MYLK4: variants seen among roughly 807,000 people sequenced by gnomAD.
MYLK4 encodes caMLCK like.
Under a neutral mutation model 48.1 loss-of-function variants are expected in MYLK4, and 46 were observed. The ratio of observed to expected loss-of-function variants is 0.96; its 90% confidence interval spans 0.75 to 1.22. The LOEUF (loss-of-function observed/expected upper bound fraction) is 1.22. Ranked by LOEUF, MYLK4 falls within the 50% of genes most tolerant of loss-of-function variation. The pLI, the probability that MYLK4 is intolerant of heterozygous loss-of-function variation, is 0.00. For synonymous variants in MYLK4, 170 were observed against 180.8 expected (o/e 0.94, Z 0.48); for missense variants, 451 against 486.1 (o/e 0.93, Z 0.68).
intron 2 of MYLK4, among the ~76,000 whole-genome samples, chr6:2,713,388 GAAAAA>G (rs10718980): frequency 6.7e-6 from 1 of 149,342 alleles, no homozygotes; most frequent in Non-Finnish European, 1.5e-5. Context: ...AAAAAAAAAA[GAAAAA>G]AAGAAAAGAA....
the MYLK4 span, among the ~76,000 whole-genome samples, chr6:2,767,283 A>G: frequency 6.6e-6 from 1 of 152,252 alleles, no homozygotes; most frequent in Admixed American, 6.5e-5. Flanking sequence ...GCTTAAATAC[A>G]GGATGCTTTT....
At chr6:2,686,341 G>A (rs1761548825) in intron 4 of MYLK4, among the ~76,000 whole-genome samples, 1 of 152,180 alleles carries the variant, frequency 6.6e-6, no homozygotes, top group Non-Finnish European at 1.5e-5. Flanking sequence ...ATTATTTTTG[G>A]AAACTGCATA....
chr6:2,685,368 A>G lies in MYLK4; in HGVS notation c.473T>C (p.Leu158Pro). 6.2e-7 allele frequency: 1 copy of G among 1,610,224 alleles called. No homozygotes were observed. Among genetic ancestry groups the G allele is most frequent in the Non-Finnish European group, 8.5e-7 (1 of 1,177,830 alleles). Residue 158 changes from leucine (L) to proline (P), a missense_variant, in exon 6 of 13, where the codon CTG (leucine) becomes CCG (proline). Coordinates refer to ENST00000274643, the MANE Select transcript of MYLK4 (RefSeq NM_001012418.5). The surrounding 1 kb of genome is among the most constrained non-coding windows in gnomAD (Gnocchi z 4.5). ...VKNEISVMNQ[L>P]DHANLIQLYD... is the part of the protein sequence containing the mutation. ...CAGCTGGATGAGGTTCGCGTGGTCC[A>G]GCTGGTTCATGACGCTGATCTCGTT...
chr6:2,670,684 A>C (rs986629492), intron 12 of MYLK4, among the ~76,000 whole-genome samples: 2 of 152,142 alleles, frequency 1.3e-5, no homozygotes, highest in African/African-American at 2.4e-5. Flanking sequence ...AGCTAGGTGG[A>C]GGTCCGCATG....
At chr6:2,765,961 G>A in the MYLK4 span, 2 of 1,426,080 alleles carry the variant, frequency 1.4e-6, no homozygotes, top group African/African-American at 1.5e-5. Context: ...GCTACGACGC[G>A]CCGCCCACAC....
Position 2,692,947 on chromosome 6 carries a change from C to G in MYLK4, c.160-88G>C, listed in dbSNP as rs1761870365. On this transcript the variant is annotated intron_variant, in intron 2 of 12. Coordinates refer to ENST00000274643, the MANE Select transcript of MYLK4 (RefSeq NM_001012418.5). ...CTCCTGACACTTGCGCTGGATGATTCCGTGTGGTGGGGAATGTCACGAGCA... is the reference window on the plus strand; with the variant it reads ...CTCCTGACACTTGCGCTGGATGATTGCGTGTGGTGGGGAATGTCACGAGCA... The G allele has an allele frequency of 5.7e-6, 7 of 1,220,286 alleles. No homozygotes were observed. The East Asian group carries it at 1.8e-4, about 31-fold the overall frequency. The allele number at this position is 1,220,286 out of a possible 1,614,324, so 75.6% of individuals were successfully genotyped here. A position where few individuals can be genotyped will look rare whatever the true frequency, so the allele number is the denominator to read the frequency against.
intron 2 of MYLK4, among the ~76,000 whole-genome samples, chr6:2,739,262 A>C (rs1238310339): frequency 6.6e-6 from 1 of 152,184 alleles, no homozygotes; most frequent in Non-Finnish European, 1.5e-5. Context: ...CAGAACCAAC[A>C]CAGTGTCTTT....
At chr6:2,762,094 T>A in the MYLK4 span, among the ~76,000 whole-genome samples, 1 of 152,118 alleles carries the variant, frequency 6.6e-6, no homozygotes, top group South Asian at 2.1e-4. Context: ...GTATTTTTAG[T>A]AGACAGGGTT....
At chr6:2,693,811 G>A (rs915946253) in intron 2 of MYLK4, among the ~76,000 whole-genome samples, 1 of 146,710 alleles carries the variant, frequency 6.8e-6, no homozygotes, top group Non-Finnish European at 1.5e-5. Context: ...AGGCTGGAGT[G>A]CAATGGCGCA....
intron 2 of MYLK4, among the ~76,000 whole-genome samples, chr6:2,741,388 C>T (rs1763896217): frequency 6.6e-6 from 1 of 152,006 alleles, no homozygotes; most frequent in Non-Finnish European, 1.5e-5. Context: ...AGGTCTTTTT[C>T]TCATATTAAA....
intron 2 of MYLK4, among the ~76,000 whole-genome samples, chr6:2,722,139 T>C (rs192362421): frequency 1.1e-4 from 17 of 152,358 alleles, no homozygotes; most frequent in Admixed American, 1.0e-3. Flanking sequence ...CGGCAACTAC[T>C]GTGGAACAGA....
intron 2 of MYLK4, among the ~76,000 whole-genome samples, chr6:2,738,985 T>C (rs1200711756): frequency 1.3e-5 from 2 of 152,216 alleles, no homozygotes; most frequent in Admixed American, 6.5e-5. Context: ...TTGTTAATAG[T>C]TGATAAATAT....
intron 2 of MYLK4, among the ~76,000 whole-genome samples, chr6:2,696,239 G>A (rs1303664744): frequency 6.6e-6 from 1 of 152,138 alleles, no homozygotes; most frequent in East Asian, 1.9e-4. Context: ...TGGGATATAC[G>A]TACCCAGGGA....
chr6:2,753,942 C>T (rs1764359414), upstream of MYLK4, among the ~76,000 whole-genome samples: 1 of 150,370 alleles, frequency 6.7e-6, no homozygotes, highest in South Asian at 2.1e-4. Context: ...AGGAGGATCA[C>T]TTCAGTCCAG....
rs780552776 is a variant in MYLK4 at position 2,685,464 on chromosome 6, C to T, written c.435+19G>A. 4.3e-6 allele frequency: 7 copies of T among 1,612,012 alleles called. No homozygotes were observed. Among genetic ancestry groups the T allele is most frequent in the Non-Finnish European group, 5.9e-6 (7 of 1,178,258 alleles). ...AAGATGGGGCGGGGAGGGAGGGGAC[C>T]ACCTCCCACAGGCTGTACCTTGTCC... On this transcript the variant is annotated intron_variant, in intron 5 of 12. Transcript: ENST00000274643. This position sits in a 1 kb window ranked among gnomAD's most constrained non-coding sequence, Gnocchi z 4.5.
At chr6:2,681,445 C>T (rs1166643391) in intron 7 of MYLK4, among the ~76,000 whole-genome samples, 1 of 152,138 alleles carries the variant, frequency 6.6e-6, no homozygotes, top group African/African-American at 2.4e-5. Context: ...TGGTTTCATG[C>T]TTAAATCACT....
intron 2 of MYLK4, among the ~76,000 whole-genome samples, chr6:2,731,840 T>G (rs1370062380): frequency 6.6e-6 from 1 of 152,236 alleles, no homozygotes; most frequent in Non-Finnish European, 1.5e-5. Context: ...CCTGGAGATT[T>G]GGCTCCAAAG....
chr6:2,690,853 C>G (rs1028032248), intron 3 of MYLK4, among the ~76,000 whole-genome samples: 32 of 95,456 alleles, frequency 3.4e-4, no homozygotes, highest in African/African-American at 1.2e-3. Context: ...TTTTTGAGAC[C>G]GAGTCTCGCT....
intron 2 of MYLK4, among the ~76,000 whole-genome samples, chr6:2,722,050 T>C (rs1465022736): frequency 6.6e-6 from 1 of 152,214 alleles, no homozygotes; most frequent in Non-Finnish European, 1.5e-5. Context: ...ACAGAGGTGA[T>C]GCAACATAAA....
Sources: allele counts gnomAD v4.1 joint callset (sites outside exome capture counted in the v4.1 genomes callset), GRCh38; gene constraint gnomAD v4.1.1; non-coding constraint Gnocchi (gnomAD v3.1); transcripts MANE v1.5; gene names NCBI Gene and HGNC (gene_info 2026-07-23, HGNC 2026-07-21).